ST8SIA1: variants seen among roughly 807,000 people sequenced by gnomAD.
ST8SIA1 encodes the protein ST8 alpha-N-acetyl-neuraminide alpha-2,8-sialyltransferase 1, also known as alpha-N-acetylneuraminide alpha-2,8-sialyltransferase.
ST8SIA1 carries 16 observed loss-of-function variants against 35.9 expected under a neutral mutation model. That is an observed-to-expected ratio of 0.45 (90% CI 0.30 to 0.68). ST8SIA1 has a LOEUF of 0.68. Among genes scored for constraint, ST8SIA1 ranks in the 30% least tolerant of loss-of-function variants. The probability of loss-of-function intolerance (pLI) is 0.09; values close to 1 mark genes in which losing one functional copy is unlikely to be tolerated. For synonymous variants in ST8SIA1, 170 were observed against 169.6 expected (o/e 1.00, Z -0.02); for missense variants, 383 against 453.6 (o/e 0.84, Z 1.41).
chr12:22,266,836 TACACA>T (rs1865854122), intron 2 of ST8SIA1, among the ~76,000 whole-genome samples: 2 of 129,844 alleles, frequency 1.5e-5, no homozygotes, highest in South Asian at 2.7e-4. Context: ...CCCACACACA[TACACA>T]AAAGTATACA....
In ST8SIA1 at chr12:22,232,472, G is replaced by C. The variant is rs182091436; in HGVS notation, c.584+16534C>G. Among the ~76,000 whole-genome samples the C allele has an allele frequency of 6.6e-5, 10 of 152,250 alleles. No individual in the cohort carries two copies. In the East Asian group the frequency reaches 1.7e-3, roughly 26 times the overall value. On this transcript the variant is annotated intron_variant, in intron 4 of 4. Transcript: ENST00000396037. ...GATGGGGAAAATGACAGAATACACA[G>C]GTTTGCAGAAAAGGGGGAATTAGGA...
chr12:22,206,361 G>A (rs1216953478), intron 4 of ST8SIA1, among the ~76,000 whole-genome samples: 1 of 152,184 alleles, frequency 6.6e-6, no homozygotes, highest in Non-Finnish European at 1.5e-5. Flanking sequence ...AGATACTAGG[G>A]AAAGTGGTGT....
chr12:22,327,116 C>T (rs1376363341), intron 1 of ST8SIA1, among the ~76,000 whole-genome samples: 2 of 152,196 alleles, frequency 1.3e-5, no homozygotes, highest in African/African-American at 4.8e-5. Flanking sequence ...CTCCAACCAC[C>T]TCCATTTGCA....
chr12:22,286,383 A>T lies in ST8SIA1; in HGVS notation c.381+766T>A, dbSNP rs1057300238. 7 of 509,038 alleles carry T rather than the reference A, an allele frequency of 1.4e-5. No homozygotes were observed. In the Admixed American group the frequency reaches 1.4e-4, roughly 10 times the overall value. 31.5% of individuals were successfully genotyped at this position (509,038 alleles called of 1,614,324 possible). On this transcript the variant is annotated intron_variant, in intron 2 of 4. Coordinates refer to ENST00000396037, the MANE Select transcript of ST8SIA1 (RefSeq NM_003034.4). ...ATGAAAGATTCAGTCCCACTTTCTA[A>T]GGCTTAAAAATTCTCTTTCTGTACA... is the stretch of plus-strand genomic sequence containing the variant.
At chr12:22,296,685 C>G (rs1866248318) in intron 1 of ST8SIA1, among the ~76,000 whole-genome samples, 1 of 152,170 alleles carries the variant, frequency 6.6e-6, no homozygotes, top group South Asian at 2.1e-4. Flanking sequence ...GGGTATCTAT[C>G]ACATCTGGAG....
intron 4 of ST8SIA1, among the ~76,000 whole-genome samples, chr12:22,209,484 A>G (rs751719809): frequency 2.4e-4 from 37 of 152,352 alleles, no homozygotes; most frequent in Non-Finnish European, 4.0e-4. Flanking sequence ...CAAATTAAGG[A>G]AATTGATAAT....
At chr12:22,210,624 C>G (rs944112385) in intron 4 of ST8SIA1, among the ~76,000 whole-genome samples, 1 of 152,218 alleles carries the variant, frequency 6.6e-6, no homozygotes, top group Non-Finnish European at 1.5e-5. Flanking sequence ...TTCTGACCAG[C>G]TGGCTGCACG....
intron 1 of ST8SIA1, among the ~76,000 whole-genome samples, chr12:22,295,770 A>C (rs751739802): frequency 6.6e-6 from 1 of 152,212 alleles, no homozygotes; most frequent in Non-Finnish European, 1.5e-5. Flanking sequence ...GATTTTGTAT[A>C]AGGCTGAACA....
chr12:22,303,442 G>A (rs1866341187), intron 1 of ST8SIA1, among the ~76,000 whole-genome samples: 1 of 152,210 alleles, frequency 6.6e-6, no homozygotes. Context: ...CAGGGAAGAT[G>A]AATTTGAGAT....
chr12:22,278,501 G>A (rs1411612315), intron 2 of ST8SIA1, among the ~76,000 whole-genome samples: 1 of 152,060 alleles, frequency 6.6e-6, no homozygotes, highest in African/African-American at 2.4e-5. Context: ...ACCATACTTT[G>A]TGAATATACT....
chr12:22,278,372 C>T (rs1191621997), intron 2 of ST8SIA1, among the ~76,000 whole-genome samples: 2 of 152,182 alleles, frequency 1.3e-5, no homozygotes, highest in African/African-American at 4.8e-5. Context: ...CATCTGGAAG[C>T]ACCTACAAAC....
chr12:22,302,921 A>G (rs1866335278), intron 1 of ST8SIA1, among the ~76,000 whole-genome samples: 1 of 151,992 alleles, frequency 6.6e-6, no homozygotes, highest in Non-Finnish European at 1.5e-5. Flanking sequence ...TCTTGATGGA[A>G]CCAATGTACA....
intron 2 of ST8SIA1, among the ~76,000 whole-genome samples, chr12:22,261,620 T>C (rs1372465206): frequency 1.3e-5 from 2 of 152,330 alleles, no homozygotes; most frequent in African/African-American, 4.8e-5. Context: ...TCTAATCCAT[T>C]CTCAGCAGTT....
intron 2 of ST8SIA1, among the ~76,000 whole-genome samples, chr12:22,284,572 C>T (rs1401040644): frequency 6.6e-6 from 1 of 152,118 alleles, no homozygotes; most frequent in African/African-American, 2.4e-5. Context: ...ATTAATTAGT[C>T]ATTTCAGATT....
At chr12:22,224,520 C>A (rs1336947283) in intron 4 of ST8SIA1, among the ~76,000 whole-genome samples, 1 of 151,902 alleles carries the variant, frequency 6.6e-6, no homozygotes, top group Non-Finnish European at 1.5e-5. Context: ...CCACCTTGGC[C>A]TCTCAAAGTG....
At chr12:22,231,159 T>C (rs1225054558) in intron 4 of ST8SIA1, among the ~76,000 whole-genome samples, 1 of 148,430 alleles carries the variant, frequency 6.7e-6, no homozygotes, top group Non-Finnish European at 1.5e-5. Context: ...TAATAATACA[T>C]ATATAATATT....
chr12:22,210,488 T>C (rs376027731), intron 4 of ST8SIA1, among the ~76,000 whole-genome samples: 1 of 152,174 alleles, frequency 6.6e-6, no homozygotes, highest in East Asian at 1.9e-4. Flanking sequence ...CAATCAGTTT[T>C]ACAGCAGACA....
chr12:22,275,727 C>G (rs1425146391), intron 2 of ST8SIA1, among the ~76,000 whole-genome samples: 1 of 152,180 alleles, frequency 6.6e-6, no homozygotes, highest in African/African-American at 2.4e-5. Flanking sequence ...CAAGATTGAT[C>G]CCCTGTCAAC....
rs565800420 is a variant in ST8SIA1 at position 22,326,517 on chromosome 12, C to T, written c.236+7480G>A. Reference sequence around the variant, plus strand: ...CTCTCAAGGTAACTATTGCCACCTGCGGCTAAGGCTCAGCAAGACCAAGTA... The same window carrying T: ...CTCTCAAGGTAACTATTGCCACCTGTGGCTAAGGCTCAGCAAGACCAAGTA... On this transcript the variant is annotated intron_variant, in intron 1 of 4. Coordinates refer to ENST00000396037, the MANE Select transcript of ST8SIA1 (RefSeq NM_003034.4). 3.3e-5 allele frequency among the ~76,000 whole-genome samples: 5 copies of T among 152,274 alleles called. No individual in the cohort carries two copies. The East Asian group carries it at 9.6e-4, about 29-fold the overall frequency.
Sources: allele counts gnomAD v4.1 joint callset (sites outside exome capture counted in the v4.1 genomes callset), GRCh38; gene constraint gnomAD v4.1.1; transcripts MANE v1.5; gene names NCBI Gene and HGNC (gene_info 2026-07-23, HGNC 2026-07-21).